Variants in CCNF observed in about 807,000 individuals in gnomAD.
The protein encoded by CCNF is cyclin F.
CCNF carries 30 observed loss-of-function variants against 85.4 expected under a neutral mutation model. That is an observed-to-expected ratio of 0.35 (90% confidence interval 0.26 to 0.48). The LOEUF is 0.48. Among genes scored for constraint, CCNF ranks in the 20% least tolerant of loss-of-function variants. CCNF has a pLI of 0.99. For missense variants in CCNF, 919 were observed against 1,010.4 expected, an observed-to-expected ratio of 0.91 and a Z score of 1.23; for synonymous variants, 439 against 425.1, an observed-to-expected ratio of 1.03 and a Z score of -0.40.
rs760436368 is a variant in CCNF at position 2,435,834 on chromosome 16, G to A, written c.307G>A (p.Ala103Thr). ...TGCTGAAAAGGGGAATTTCGAAGCT[G>A]CTGTGAAGCTGGGCATAGCCTACCT... is the stretch of plus-strand genomic sequence containing the variant. ...RAAEKGNFEA[A>T]VKLGIAYLYN... Residue 103 changes from alanine (A) to threonine (T), a missense_variant, in exon 4 of 17, where the codon GCT (alanine) becomes ACT (threonine). This residue lies in a region of CCNF where 410 missense variants were observed against 478.6 expected (regional missense o/e 0.86). Transcript: ENST00000397066. The A allele has an allele frequency of 1.9e-6, 3 of 1,613,862 alleles. No individual in the cohort carries two copies. Among genetic ancestry groups the A allele is most frequent in the Non-Finnish European group, 2.5e-6 (3 of 1,179,864 alleles).
intron 10 of CCNF, among the ~76,000 whole-genome samples, chr16:2,446,360 G>A (rs1249467671): frequency 1.3e-5 from 2 of 152,232 alleles, no homozygotes; most frequent in African/African-American, 4.8e-5. Flanking sequence ...CTTGGAGTTA[G>A]AGAGTTTTTC....
chr16:2,435,732 T>A, intron 3 of CCNF, 74 bp from the exon 4 acceptor site: 1 of 928,524 alleles, frequency 1.1e-6, no homozygotes, highest in Non-Finnish European at 1.7e-6. Context: ...TATTCTGACT[T>A]CTTCAAGTGC....
rs1324462392 is a variant in CCNF at position 2,456,097 on chromosome 16, G to A, written c.1886-448G>A. Among the ~76,000 whole-genome samples, 2 of 152,244 alleles carry A rather than the reference G, an allele frequency of 1.3e-5. No homozygotes were observed. The highest frequency in any genetic ancestry group is 4.8e-5 in the African/African-American group (2 of 41,476). ...GATCTCTTGAGCACAGGAGGTGGGAGCTGCAGTGAGCCGTGATCATGCCAC... is the reference window on the plus strand; with the variant it reads ...GATCTCTTGAGCACAGGAGGTGGGAACTGCAGTGAGCCGTGATCATGCCAC... On this transcript the variant is annotated intron_variant, in intron 16 of 16. Transcript: ENST00000397066. This position sits in a 1 kb window ranked among gnomAD's most constrained non-coding sequence, Gnocchi z 4.5.
chr16:2,448,876 G>T lies in CCNF; in HGVS notation c.1116G>T (p.Leu372=). The change falls in exon 11 of 17, where the codon CTG becomes CTT. Residue 372 remains leucine, a synonymous_variant. Transcript: ENST00000397066. The part of the protein sequence containing the change: ...ICTRFISKEI[L]TIREAVWLTD... ...GCAGGTTTATCAGTAAAGAGATCCT[G>T]ACCATCCGGGAGGCCGTATGGCTCA... The T allele has an allele frequency of 1.2e-6, 2 of 1,614,016 alleles. No individual in the cohort carries two copies. The highest frequency in any genetic ancestry group is 2.2e-5 in the South Asian group (2 of 91,056).
chr16:2,445,733 T>G, intron 10 of CCNF, 111 bp downstream of exon 10: 1 of 1,071,956 alleles, frequency 9.3e-7, no homozygotes, highest in Non-Finnish European at 1.3e-6. Flanking sequence ...TGTGTTGTTT[T>G]TTTTTTTTTC....
intron 2 of CCNF, among the ~76,000 whole-genome samples, chr16:2,431,718 A>T (rs1005003497): frequency 3.3e-5 from 5 of 151,376 alleles, no homozygotes; most frequent in Non-Finnish European, 7.4e-5. Flanking sequence ...AAAGGAAACA[A>T]GGATGATATC....
chr16:2,455,018 C>G (rs931351904), intron 15 of CCNF, among the ~76,000 whole-genome samples: 1 of 149,422 alleles, frequency 6.7e-6, no homozygotes, highest in African/African-American at 2.5e-5. Context: ...CAAGATCACA[C>G]CACTGCACTC....
Position 2,453,548 on chromosome 16 carries a change from C to T in CCNF, c.1715+11C>T, listed in dbSNP as rs547751384. ...GCGGAGAACCAAACGGTTAGTTACCCTGCGTTCTGGCTGCGCCATACAATG... is the reference window on the plus strand; with the variant it reads ...GCGGAGAACCAAACGGTTAGTTACCTTGCGTTCTGGCTGCGCCATACAATG... On this transcript the variant is annotated intron_variant, in intron 15 of 16. Coordinates refer to ENST00000397066, the MANE Select transcript of CCNF (RefSeq NM_001761.3). The surrounding 1 kb of genome is among the most constrained non-coding windows in gnomAD (Gnocchi z 5.6). The T allele has an allele frequency of 3.1e-6, 5 of 1,613,754 alleles. No homozygotes were observed. The highest frequency in any genetic ancestry group is 4.2e-6 in the Non-Finnish European group (5 of 1,179,984).
chr16:2,430,499 C>A (rs2141811462), intron 1 of CCNF, among the ~76,000 whole-genome samples: 1 of 152,192 alleles, frequency 6.6e-6, no homozygotes, highest in East Asian at 1.9e-4. Flanking sequence ...ACCTACAGGT[C>A]TAGGTTTGTG....
chr16:2,429,469 C>G lies in CCNF; in HGVS notation c.-13C>G. On this transcript the variant is annotated 5_prime_UTR_variant, in exon 1 of 17. Coordinates refer to ENST00000397066, the MANE Select transcript of CCNF (RefSeq NM_001761.3). ...CTCAGGCGGGCTCCGGCGGCAGCGA[C>G]GCGAGCGCGGCGATGGGGAGCGGCG... 1 of 1,226,186 alleles carries G rather than the reference C, an allele frequency of 8.2e-7. No individual in the cohort carries two copies. The highest frequency in any genetic ancestry group is 1.0e-6 in the Non-Finnish European group (1 of 984,872). 76.0% of individuals were successfully genotyped at this position (1,226,186 alleles called of 1,614,324 possible). A position where few individuals can be genotyped will look rare whatever the true frequency, so the allele number is the denominator to read the frequency against.
intron 8 of CCNF, among the ~76,000 whole-genome samples, chr16:2,443,117 A>G (rs983072174): frequency 7.5e-6 from 1 of 132,454 alleles, no homozygotes; most frequent in Admixed American, 9.1e-5. Context: ...ATAATATATT[A>G]CATATTATAT....
intron 1 of CCNF, among the ~76,000 whole-genome samples, chr16:2,429,830 C>T (rs1161716894): frequency 6.6e-6 from 1 of 152,060 alleles, no homozygotes; most frequent in Non-Finnish European, 1.5e-5. Flanking sequence ...CAAACACCAG[C>T]GCCTCCTGGT....
Position 2,456,023 on chromosome 16 carries a change from T to A in CCNF, c.1885+459T>A, listed in dbSNP as rs2065425468. Among the ~76,000 whole-genome samples the A allele has an allele frequency of 6.6e-6, 1 of 152,196 alleles. No homozygotes were observed. The highest frequency in any genetic ancestry group is 1.5e-5 in the Non-Finnish European group (1 of 68,034). Reference sequence around the variant, plus strand: ...AAAAAATTTAAAAATTAGCTGGGCATCGTGGCGTGCGCCTGTGGTCCCAGC... The same window carrying A: ...AAAAAATTTAAAAATTAGCTGGGCAACGTGGCGTGCGCCTGTGGTCCCAGC... On this transcript the variant is annotated intron_variant, in intron 16 of 16. Transcript: ENST00000397066. This position sits in a 1 kb window ranked among gnomAD's most constrained non-coding sequence, Gnocchi z 4.5.
At chr16:2,444,778 G>T (rs1257884522) in intron 9 of CCNF, among the ~76,000 whole-genome samples, 1 of 152,068 alleles carries the variant, frequency 6.6e-6, no homozygotes, top group Non-Finnish European at 1.5e-5. Flanking sequence ...TGTATTTTTA[G>T]TAGAGACAGG....
intron 2 of CCNF, among the ~76,000 whole-genome samples, chr16:2,432,302 C>A (rs2065266839): frequency 6.6e-6 from 1 of 152,112 alleles, no homozygotes; most frequent in African/African-American, 2.4e-5. Context: ...AGTGACTTAA[C>A]CTAGAGTATA....
In CCNF at chr16:2,435,748, T is replaced by G. The variant is rs554108597; in HGVS notation, c.279-58T>G. The G allele has an allele frequency of 3.4e-6, 4 of 1,172,992 alleles. No individual in the cohort carries two copies. The South Asian group carries it at 4.9e-5, about 14-fold the overall frequency. 72.7% of individuals were successfully genotyped at this position (1,172,992 alleles called of 1,614,324 possible). ...ATTCTGACTTCTTCAAGTGCTGTAG[T>G]AGTTCATAACGTTTGTGGCATAAAA... is the stretch of plus-strand genomic sequence containing the variant. On this transcript the variant is annotated intron_variant, in intron 3 of 16. Coordinates refer to ENST00000397066, the MANE Select transcript of CCNF (RefSeq NM_001761.3).
intron 1 of CCNF, 60 bp downstream of exon 1, chr16:2,429,557 G>A: frequency 1.6e-5 from 19 of 1,221,806 alleles, no homozygotes; most frequent in Non-Finnish European, 1.9e-5. Flanking sequence ...TGCCCTGCGG[G>A]GCGGACGGTG....
Position 2,453,063 on chromosome 16 carries a change from G to A in CCNF, c.1488-147G>A, listed in dbSNP as rs2065403558. Reference sequence around the variant, plus strand: ...GAGAGGAATTGCTAGGTCCTGTGGTGACTGAGTTTAACCATTCGGGGAACT... The same window carrying A: ...GAGAGGAATTGCTAGGTCCTGTGGTAACTGAGTTTAACCATTCGGGGAACT... On this transcript the variant is annotated intron_variant, in intron 13 of 16. Transcript: ENST00000397066. This position sits in a 1 kb window ranked among gnomAD's most constrained non-coding sequence, Gnocchi z 5.6. 1 of 690,320 alleles carries A rather than the reference G, an allele frequency of 1.4e-6. No homozygotes were observed. 42.8% of individuals were successfully genotyped at this position (690,320 alleles called of 1,614,324 possible).
chr16:2,432,839 C>T, intron 2 of CCNF, 122 bp from the exon 3 acceptor site: 1 of 577,836 alleles, frequency 1.7e-6, no homozygotes, highest in Non-Finnish European at 3.1e-6. Flanking sequence ...GGGACCTCAA[C>T]TACTTGGGAT....
Sources: allele counts gnomAD v4.1 joint callset (sites outside exome capture counted in the v4.1 genomes callset), GRCh38; gene constraint gnomAD v4.1.1; regional missense constraint gnomAD v4.1.1; non-coding constraint Gnocchi (gnomAD v3.1); transcripts MANE v1.5; gene names NCBI Gene and HGNC (gene_info 2026-07-23, HGNC 2026-07-21).